CNOT6: variants seen among roughly 807,000 people sequenced by gnomAD.
The protein encoded by CNOT6 is CCR4-NOT transcription complex subunit 6.
Under a neutral mutation model 61.2 loss-of-function variants are expected in CNOT6, and 12 were observed. The ratio of observed to expected loss-of-function variants is 0.20; its 90% CI spans 0.13 to 0.32. The LOEUF (loss-of-function observed/expected upper bound fraction) is 0.32. Ranked by LOEUF, CNOT6 falls within the 10% of genes least tolerant of loss-of-function variation. The pLI, the probability that CNOT6 is intolerant of heterozygous loss-of-function variation, is 1.00. For missense variants in CNOT6, 405 were observed against 663.9 expected (o/e 0.61, Z 4.28); for synonymous variants, 225 against 240.6 (o/e 0.94, Z 0.60).
At chr5:180,533,657 C>A (rs1758517234) in intron 2 of CNOT6, among the ~76,000 whole-genome samples, 1 of 152,118 alleles carries the variant, frequency 6.6e-6, no homozygotes. Context: ...TCAAGCAGTC[C>A]TCCCGCGTTA....
At chr5:180,532,602 G>T (rs76225837) in intron 2 of CNOT6, among the ~76,000 whole-genome samples, 234 of 152,260 alleles carry the variant, frequency 1.5e-3, no homozygotes, top group African/African-American at 5.2e-3. Context: ...ACAGCAAGCA[G>T]CAGACACCAG....
intron 2 of CNOT6, among the ~76,000 whole-genome samples, chr5:180,535,999 T>G (rs1367423281): frequency 3.1e-4 from 37 of 120,646 alleles, no homozygotes; most frequent in African/African-American, 1.1e-3. Flanking sequence ...TTTTTTTTTT[T>G]TTTTTTTTTT....
chr5:180,541,291 A>G (rs1759020388), intron 2 of CNOT6, among the ~76,000 whole-genome samples: 1 of 150,218 alleles, frequency 6.7e-6, no homozygotes, highest in African/African-American at 2.5e-5. Flanking sequence ...GGTGCGCACC[A>G]CCACATCTGG....
chr5:180,569,962 C>T (rs114043018), intron 10 of CNOT6, among the ~76,000 whole-genome samples: 1,822 of 152,290 alleles, frequency 0.012, 22 homozygotes, highest in Middle Eastern at 0.02. Context: ...CTCATTTATA[C>T]ACACAGGAAT....
At chr5:180,541,804 C>T (rs1268449611) in intron 2 of CNOT6, among the ~76,000 whole-genome samples, 1 of 150,718 alleles carries the variant, frequency 6.6e-6, no homozygotes, top group African/African-American at 2.4e-5. Flanking sequence ...TGGAGTCTTG[C>T]TCTGTCCCCC....
At chr5:180,497,629 A>G (rs1756673455) in intron 1 of CNOT6, among the ~76,000 whole-genome samples, 2 of 152,190 alleles carry the variant, frequency 1.3e-5, no homozygotes, top group Admixed American at 1.3e-4. Context: ...AGGCTCAGCT[A>G]AAAATGTATG....
In CNOT6 at chr5:180,577,825, A is replaced by T. The variant is rs1265062619; in HGVS notation, c.*3625A>T. The T allele has an allele frequency of 6.5e-6, 1 of 152,686 alleles. No individual in the cohort carries two copies. Among genetic ancestry groups the T allele is most frequent in the Non-Finnish European group, 1.5e-5 (1 of 68,048 alleles). The allele number at this position is 152,686 out of a possible 1,614,324, so 9.5% of individuals were successfully genotyped here. The stretch of plus-strand genomic sequence containing the variant: ...TGAATAAACCATACGGACTGGCAGT[A>T]ACAAGGGCTTTTACTGTTCTGTTCA... On this transcript the variant is annotated 3_prime_UTR_variant, in exon 12 of 12. Coordinates refer to ENST00000261951, the MANE Select transcript of CNOT6 (RefSeq NM_001370472.1).
chr5:180,538,933 T>G (rs1012346617), intron 2 of CNOT6, among the ~76,000 whole-genome samples: 1 of 151,524 alleles, frequency 6.6e-6, no homozygotes, highest in African/African-American at 2.4e-5. Flanking sequence ...CCCAACACTT[T>G]GGGAGGCCAG....
intron 1 of CNOT6, among the ~76,000 whole-genome samples, chr5:180,525,373 C>CA (rs902546279): frequency 4.0e-5 from 6 of 151,348 alleles, no homozygotes; most frequent in Middle Eastern, 3.4e-3. Context: ...CCAATCTCTA[C>CA]AAAAAAAATA....
intron 4 of CNOT6, among the ~76,000 whole-genome samples, chr5:180,555,878 G>A (rs932167576): frequency 6.6e-6 from 1 of 152,160 alleles, no homozygotes; most frequent in Non-Finnish European, 1.5e-5. Context: ...GTTGCAGAAT[G>A]GCTGGCAGGC....
intron 2 of CNOT6, among the ~76,000 whole-genome samples, chr5:180,538,665 G>C (rs928466837): frequency 6.9e-6 from 1 of 144,130 alleles, no homozygotes; most frequent in Non-Finnish European, 1.5e-5. Flanking sequence ...GCGACAGAGC[G>C]AGACTCTGTC....
Position 180,567,135 on chromosome 5 carries a change from A to G in CNOT6, c.765A>G (p.Lys255=), listed in dbSNP as rs780707776. Residue 255 remains lysine, a synonymous_variant, in exon 8 of 12, where the codon AAA becomes AAG. Transcript: ENST00000261951. ...QYYSFFLVEL[K]ERGYNGFFSP... Reference sequence around the variant, plus strand: ...ACAGTTTTTTTCTGGTAGAGCTGAAAGAACGTGGCTATAATGGATTCTTCA... The same window carrying G: ...ACAGTTTTTTTCTGGTAGAGCTGAAGGAACGTGGCTATAATGGATTCTTCA... 2 of 1,613,786 alleles carry G rather than the reference A, an allele frequency of 1.2e-6. No homozygotes were observed. Among genetic ancestry groups the G allele is most frequent in the Admixed American group, 1.7e-5 (1 of 59,936 alleles).
chr5:180,564,881 G>A, intron 6 of CNOT6, 138 bp downstream of exon 6: 1 of 664,356 alleles, frequency 1.5e-6, no homozygotes, highest in Non-Finnish European at 2.6e-6. Flanking sequence ...TAATAAAAAA[G>A]AATTCTTGCT....
At chr5:180,571,068 G>C (rs1760724384) in intron 10 of CNOT6, among the ~76,000 whole-genome samples, 162 bp from the exon 11 acceptor site, 1 of 152,206 alleles carries the variant, frequency 6.6e-6, no homozygotes, top group African/African-American at 2.4e-5. Context: ...ACTCTGTGAT[G>C]ACAACTGTGT....
intron 2 of CNOT6, 65 bp downstream of exon 2, chr5:180,529,453 AATG>A: frequency 2.3e-6 from 2 of 861,066 alleles, no homozygotes; most frequent in Non-Finnish European, 3.9e-6. Flanking sequence ...TGAGTTTTCT[AATG>A]CCAATACAGG....
chr5:180,535,998 T>G (rs1561646637), intron 2 of CNOT6, among the ~76,000 whole-genome samples: 2 of 120,134 alleles, frequency 1.7e-5, no homozygotes, highest in Non-Finnish European at 3.5e-5. Context: ...GTTTTTTTTT[T>G]TTTTTTTTTT....
In CNOT6 at chr5:180,548,634, G is replaced by A. The variant is rs143103080; in HGVS notation, c.113-1297G>A. 3.7e-4 allele frequency among the ~76,000 whole-genome samples: 57 copies of A among 152,334 alleles called. No individual in the cohort carries two copies. The East Asian group carries it at 6.0e-3, about 16-fold the overall frequency. On this transcript the variant is annotated intron_variant, in intron 2 of 11. Transcript: ENST00000261951. The stretch of plus-strand genomic sequence containing the variant: ...CTGAGACAGTTATAGGGTCTACCCT[G>A]TTTGTTTCCCACCCTTCAGGAATGA...
At chr5:180,515,945 T>A (rs939193009) in intron 1 of CNOT6, among the ~76,000 whole-genome samples, 1 of 152,138 alleles carries the variant, frequency 6.6e-6, no homozygotes, top group Non-Finnish European at 1.5e-5. Context: ...TCTCACCGCG[T>A]TACCCAGGCT....
intron 1 of CNOT6, among the ~76,000 whole-genome samples, chr5:180,512,722 G>C (rs1002659531): frequency 2.0e-5 from 3 of 151,944 alleles, no homozygotes; most frequent in Non-Finnish European, 4.4e-5. Context: ...TCAGCCTCCC[G>C]AGTAGCTGGG....
Sources: allele counts gnomAD v4.1 joint callset (sites outside exome capture counted in the v4.1 genomes callset), GRCh38; gene constraint gnomAD v4.1.1; transcripts MANE v1.5; gene names NCBI Gene and HGNC (gene_info 2026-07-23, HGNC 2026-07-21).